PUS10: variants seen among roughly 807,000 people sequenced by gnomAD.
PUS10 encodes the protein tRNA pseudouridine synthase Pus10.
In PUS10, 59 loss-of-function variants were observed where a neutral mutation model predicts 75.0. The observed-to-expected ratio is 0.79, with a 90% CI of 0.64 to 0.98. The LOEUF (loss-of-function observed/expected upper bound fraction) is 0.98, where lower values mean the gene tolerates loss of function less well. PUS10 is among the 50% of genes least tolerant of loss of function. The pLI is 0.00. For missense variants in PUS10, 650 were observed against 614.4 expected (o/e 1.06, Z -0.61); for synonymous variants, 219 against 211.6 (o/e 1.03, Z -0.30).
At chr2:60,975,568 T>C (rs1045585651) in intron 4 of PUS10, among the ~76,000 whole-genome samples, 1 of 151,968 alleles carries the variant, frequency 6.6e-6, no homozygotes, top group African/African-American at 2.4e-5. Flanking sequence ...ATGATTGTAA[T>C]TTAAACTTTT....
chr2:60,956,686 TC>T (rs1281432627), intron 11 of PUS10, among the ~76,000 whole-genome samples: 2 of 152,064 alleles, frequency 1.3e-5, no homozygotes, highest in Non-Finnish European at 1.5e-5. Flanking sequence ...GAAAAATGTT[TC>T]AAACCAGGCT....
chr2:61,010,869 C>A lies in PUS10; in HGVS notation c.126+896G>T, dbSNP rs1679553484. The A allele has an allele frequency of 2.6e-6, 4 of 1,550,100 alleles. No homozygotes were observed. The African/African-American group carries it at 5.5e-5, about 21-fold the overall frequency. ...ACTTTGGGCAGGTTGCTTAACCTCTCTGTATCTCAGTTTCTTCATCTGAAA... is the reference window on the plus strand; with the variant it reads ...ACTTTGGGCAGGTTGCTTAACCTCTATGTATCTCAGTTTCTTCATCTGAAA... On this transcript the variant is annotated intron_variant, in intron 2 of 17. Transcript: ENST00000316752.
intron 5 of PUS10, among the ~76,000 whole-genome samples, chr2:60,969,787 CT>C (rs1418307426): frequency 3.9e-5 from 6 of 152,058 alleles, no homozygotes; most frequent in Non-Finnish European, 2.9e-5. Context: ...GTTTAAAATC[CT>C]TTGATAAGAA....
At chr2:61,015,081 G>A (rs553169888) in intron 1 of PUS10, among the ~76,000 whole-genome samples, 2 of 152,322 alleles carry the variant, frequency 1.3e-5, no homozygotes, top group East Asian at 1.9e-4. Context: ...CACCATACAA[G>A]CTGACAAGGT....
chr2:61,009,408 C>T (rs1300207577), intron 2 of PUS10, among the ~76,000 whole-genome samples: 1 of 152,162 alleles, frequency 6.6e-6, no homozygotes, highest in Non-Finnish European at 1.5e-5. Context: ...GAATTTCCAT[C>T]CTTGCTAGGT....
intron 4 of PUS10, among the ~76,000 whole-genome samples, chr2:61,004,453 C>T (rs1029730802): frequency 7.9e-5 from 12 of 151,670 alleles, no homozygotes; most frequent in African/African-American, 2.9e-4. Context: ...ACGGTGAAAC[C>T]CCATCTCTAC....
chr2:60,981,543 A>C (rs1677394191), intron 4 of PUS10, among the ~76,000 whole-genome samples: 1 of 152,258 alleles, frequency 6.6e-6, no homozygotes, highest in African/African-American at 2.4e-5. Flanking sequence ...TGGCCTCCCA[A>C]AGTGCTGGGA....
intron 1 of PUS10, among the ~76,000 whole-genome samples, chr2:61,014,553 G>C (rs1410239505): frequency 6.6e-6 from 1 of 152,114 alleles, no homozygotes; most frequent in African/African-American, 2.4e-5. Context: ...CGGGAAGGAG[G>C]GGGTACTAAA....
chr2:60,978,798 G>T (rs1677200889), intron 4 of PUS10, among the ~76,000 whole-genome samples: 1 of 152,212 alleles, frequency 6.6e-6, no homozygotes, highest in African/African-American at 2.4e-5. Flanking sequence ...AACTAAAGCA[G>T]TAATTCAAGC....
chr2:61,008,197 G>A (rs1343176563), intron 3 of PUS10, among the ~76,000 whole-genome samples: 2 of 151,900 alleles, frequency 1.3e-5, no homozygotes, highest in Non-Finnish European at 2.9e-5. Context: ...GACCAGCACA[G>A]TAACATAGGG....
At chr2:60,963,256 T>G (rs1676143238) in intron 8 of PUS10, among the ~76,000 whole-genome samples, 1 of 152,188 alleles carries the variant, frequency 6.6e-6, no homozygotes, top group East Asian at 1.9e-4. Context: ...TCCCTTGACT[T>G]CAACAGGAAT....
intron 16 of PUS10, among the ~76,000 whole-genome samples, chr2:60,947,317 C>A (rs1675006628): frequency 6.6e-6 from 1 of 152,088 alleles, no homozygotes; most frequent in African/African-American, 2.4e-5. Context: ...TTCCCATCTA[C>A]TACCTGTGTT....
intron 4 of PUS10, among the ~76,000 whole-genome samples, chr2:60,976,386 C>A (rs1677034574): frequency 6.6e-6 from 1 of 152,236 alleles, no homozygotes; most frequent in African/African-American, 2.4e-5. Flanking sequence ...CTATCTGTCT[C>A]TTCTTTAAGG....
At chr2:60,968,456 A>T (rs952471064) in intron 5 of PUS10, among the ~76,000 whole-genome samples, 1 of 152,138 alleles carries the variant, frequency 6.6e-6, no homozygotes, top group Non-Finnish European at 1.5e-5. Flanking sequence ...AAGAGATGTA[A>T]GGGCCAACTT....
chr2:60,954,702 G>C (rs1298417943), intron 12 of PUS10, among the ~76,000 whole-genome samples: 1 of 152,194 alleles, frequency 6.6e-6, no homozygotes, highest in Non-Finnish European at 1.5e-5. Flanking sequence ...TGGTCCTTCT[G>C]AAATGTTATT....
chr2:60,964,098 T>A (rs761487555), intron 8 of PUS10, among the ~76,000 whole-genome samples: 9 of 152,144 alleles, frequency 5.9e-5, no homozygotes, highest in Non-Finnish European at 7.4e-5. Context: ...TTGCTACCAA[T>A]CTGAAGCAAC....
intron 14 of PUS10, among the ~76,000 whole-genome samples, chr2:60,953,705 G>T (rs940091301): frequency 6.6e-6 from 1 of 152,122 alleles, no homozygotes; most frequent in Non-Finnish European, 1.5e-5. Flanking sequence ...ATCTAGAAGT[G>T]GTTAAGATTT....
chr2:60,945,973 A>G (rs1176376360), intron 16 of PUS10, among the ~76,000 whole-genome samples: 1 of 152,234 alleles, frequency 6.6e-6, no homozygotes, highest in Admixed American at 6.5e-5. Context: ...TGAAAAATCT[A>G]TATTATAATA....
intron 10 of PUS10, among the ~76,000 whole-genome samples, chr2:60,961,073 G>A (rs1156762010): frequency 1.3e-5 from 2 of 152,154 alleles, no homozygotes; most frequent in Non-Finnish European, 1.5e-5. Flanking sequence ...TGGAAGCCAA[G>A]TGTTTAGTCA....
Sources: allele counts gnomAD v4.1 joint callset (sites outside exome capture counted in the v4.1 genomes callset), GRCh38; gene constraint gnomAD v4.1.1; transcripts MANE v1.5; gene names NCBI Gene and HGNC (gene_info 2026-07-23, HGNC 2026-07-21).